SLK: variants seen among roughly 807,000 people sequenced by gnomAD.
The protein encoded by SLK is STE20-like serine/threonine-protein kinase.
A neutral mutation model predicts 147.7 loss-of-function variants in SLK; 67 were observed. The ratio of observed to expected loss-of-function variants is 0.45; its 90% CI spans 0.37 to 0.56. The LOEUF is 0.56. Ranked by LOEUF, SLK falls within the 20% of genes least tolerant of loss-of-function variation. The pLI is 0.00. For synonymous variants in SLK, 441 were observed against 475.0 expected (o/e 0.93, Z 0.93); for missense variants, 1,136 against 1,438.8 (o/e 0.79, Z 3.41).
intron 1 of SLK, among the ~76,000 whole-genome samples, chr10:103,984,706 G>A (rs1420917798): frequency 1.3e-5 from 2 of 152,130 alleles, no homozygotes; most frequent in African/African-American, 2.4e-5. Flanking sequence ...GAGCCACCGC[G>A]CTCAGCCTTC....
chr10:103,980,960 C>T (rs1297172864), intron 1 of SLK, among the ~76,000 whole-genome samples: 1 of 152,126 alleles, frequency 6.6e-6, no homozygotes, highest in Non-Finnish European at 1.5e-5. Flanking sequence ...CACAAGAGTT[C>T]TAATTTCTCC....
intron 1 of SLK, among the ~76,000 whole-genome samples, chr10:103,968,815 A>G (rs1245492662): frequency 6.6e-6 from 1 of 152,236 alleles, no homozygotes; most frequent in Non-Finnish European, 1.5e-5. Flanking sequence ...TAGGCAGGTC[A>G]GTATTAGTAT....
chr10:103,974,922 G>T (rs554225433), intron 1 of SLK: 1 of 134,624 alleles, frequency 7.4e-6, no homozygotes, highest in South Asian at 2.6e-4. Context: ...ACCCGCCTCG[G>T]CCTCCCAAAG....
At chr10:104,006,199 G>T (rs554133731) in intron 11 of SLK, among the ~76,000 whole-genome samples, 164 bp downstream of exon 11, 9 of 152,084 alleles carry the variant, frequency 5.9e-5, no homozygotes, top group Non-Finnish European at 8.8e-5. Flanking sequence ...TTGGTGTTCT[G>T]GATGCCTTTT....
At chr10:104,004,905 A>G (rs915066022) in intron 9 of SLK, among the ~76,000 whole-genome samples, 2 of 152,156 alleles carry the variant, frequency 1.3e-5, no homozygotes, top group African/African-American at 4.8e-5. Context: ...TAGCAGCCAA[A>G]TCTGGTACTT....
chr10:104,007,332 G>A (rs1195105131), intron 11 of SLK, among the ~76,000 whole-genome samples: 1 of 152,062 alleles, frequency 6.6e-6, no homozygotes, highest in Non-Finnish European at 1.5e-5. Context: ...TGGGTCGGGC[G>A]CAGTGCCTTA....
intron 11 of SLK, among the ~76,000 whole-genome samples, chr10:104,007,875 C>G (rs920074244): frequency 6.6e-6 from 1 of 151,702 alleles, no homozygotes. Flanking sequence ...TAGTTTGAGC[C>G]CAGGAGGCCG....
intron 1 of SLK, among the ~76,000 whole-genome samples, chr10:103,976,041 T>A (rs1843866085): frequency 6.6e-6 from 1 of 152,194 alleles, no homozygotes; most frequent in Non-Finnish European, 1.5e-5. Context: ...TAGCTGGGAC[T>A]GTAGGCACCT....
chr10:104,021,605 C>T lies in SLK; in HGVS notation c.3448-15C>T, dbSNP rs1844534882. ...GTTGATCTGAAATTTTTTTAAATCC[C>T]AACTTTATTTTCAGAATGAAAAATG... On this transcript the variant is annotated splice_polypyrimidine_tract_variant and intron_variant, in intron 17 of 18. Transcript: ENST00000369755. 4 of 1,513,494 alleles carry T rather than the reference C, an allele frequency of 2.6e-6. No homozygotes were observed. Among genetic ancestry groups the T allele is most frequent in the African/African-American group, 2.8e-5 (2 of 71,188 alleles). 93.8% of individuals were successfully genotyped at this position (1,513,494 alleles called of 1,614,324 possible). A position where few individuals can be genotyped will look rare whatever the true frequency, so the allele number is the denominator to read the frequency against.
Position 104,003,406 on chromosome 10 carries a change from CAAAGG to C in SLK, c.2232_2236del (p.Glu745Ter). On this transcript the variant is annotated frameshift_variant, in exon 9 of 19. Coordinates refer to ENST00000369755, the MANE Select transcript of SLK (RefSeq NM_014720.4). LOFTEE classifies it high-confidence loss of function. ...ATTCTGCCACCAGAATCTGAGAATC[CAAAGG>C]AAAATGATAATGATTCAGGCACTGG... 1 of 1,613,928 alleles carries C rather than the reference CAAAGG, an allele frequency of 6.2e-7. No individual in the cohort carries two copies. The highest frequency in any genetic ancestry group is 8.5e-7 in the Non-Finnish European group (1 of 1,179,924).
rs773019094 is a variant in SLK at position 104,002,195 on chromosome 10, A to G, written c.1017A>G (p.Ala339=). 1.9e-6 allele frequency: 3 copies of G among 1,586,696 alleles called. No homozygotes were observed. In the South Asian group the frequency reaches 3.4e-5, roughly 18 times the overall value. Residue 339 remains alanine, a synonymous_variant, in exon 9 of 19, where the codon GCA becomes GCG. Coordinates refer to ENST00000369755, the MANE Select transcript of SLK (RefSeq NM_014720.4). ...NSLPIPASKR[A]SSDLSIASSE... The stretch of plus-strand genomic sequence containing the variant: ...AGCCAATACCTGCAAGTAAGCGTGC[A>G]TCTTCTGACCTTAGTATCGCCAGCT...
chr10:103,990,940 C>T (rs895031860), intron 2 of SLK, 101 bp downstream of exon 2: 6 of 596,778 alleles, frequency 1.0e-5, no homozygotes, highest in Non-Finnish European at 1.5e-5. Context: ...CTTATCTCTT[C>T]TATTTAGTTA....
chr10:103,980,434 C>T (rs1843926322), intron 1 of SLK, among the ~76,000 whole-genome samples: 1 of 152,060 alleles, frequency 6.6e-6, no homozygotes, highest in Non-Finnish European at 1.5e-5. Context: ...ACTGTCTGTC[C>T]ATCATGCCTC....
intron 11 of SLK, among the ~76,000 whole-genome samples, chr10:104,007,772 T>TAAATAAATAAAA (rs1844346556): frequency 6.7e-6 from 1 of 149,904 alleles, no homozygotes; most frequent in Admixed American, 6.6e-5. Flanking sequence ...TCTCTCCAAA[T>TAAATAAATAAAA]AAATAAATAA....
intron 1 of SLK, among the ~76,000 whole-genome samples, chr10:103,970,049 A>G (rs1055870248): frequency 1.3e-5 from 2 of 152,244 alleles, no homozygotes; most frequent in African/African-American, 2.4e-5. Context: ...CAATAGCAGC[A>G]TATGACCTTG....
rs553433012 is a variant in SLK at position 104,016,001 on chromosome 10, A to G, written c.2878-2159A>G. On this transcript the variant is annotated intron_variant, in intron 13 of 18. Coordinates refer to ENST00000369755, the MANE Select transcript of SLK (RefSeq NM_014720.4). Reference sequence around the variant, plus strand: ...GATATTTTTGCAGGTTATGTTGTTTATTGAACAAGTTTGTATATAGAAATT... The same window carrying G: ...GATATTTTTGCAGGTTATGTTGTTTGTTGAACAAGTTTGTATATAGAAATT... Among the ~76,000 whole-genome samples, 19 of 152,194 alleles carry G rather than the reference A, an allele frequency of 1.2e-4. No individual in the cohort carries two copies. The South Asian group carries it at 2.7e-3, about 22-fold the overall frequency.
chr10:104,019,763 A>T lies in SLK; in HGVS notation c.3162A>T (p.Gln1054His), dbSNP rs776180316. 1 of 1,614,158 alleles carries T rather than the reference A, an allele frequency of 6.2e-7. No homozygotes were observed. Among genetic ancestry groups the T allele is most frequent in the Admixed American group, 1.7e-5 (1 of 60,026 alleles). ...KETEQMQRYN[Q>H]RLIEELKNRQ... The stretch of plus-strand genomic sequence containing the variant: ...CAGAGCAAATGCAGCGTTACAATCA[A>T]AGACTTATTGAGGAATTGAAAAACA... The change falls in exon 16 of 19, where the codon CAA becomes CAT. Residue 1054 changes from glutamine to histidine, a missense_variant. Gln to His is a conservative substitution (Grantham distance 24). Coordinates refer to ENST00000369755, the MANE Select transcript of SLK (RefSeq NM_014720.4).
intron 1 of SLK, among the ~76,000 whole-genome samples, chr10:103,988,006 A>G (rs74154713): frequency 1.2e-3 from 181 of 152,340 alleles, no homozygotes; most frequent in African/African-American, 4.2e-3. Flanking sequence ...GGAGCCCTCA[A>G]AAGAAAATGA....
chr10:103,992,573 C>CT (rs35624310), intron 2 of SLK, 25 bp from the exon 3 acceptor site: 22,695 of 1,210,936 alleles, frequency 0.019, 76 homozygotes, highest in South Asian at 0.052. Flanking sequence ...TAGACACACG[C>CT]TTTTTTTTTT....
Sources: gnomAD v4.1 joint callset for allele counts (sites outside exome capture counted in the v4.1 genomes callset) on GRCh38, gnomAD v4.1.1 for gene constraint, MANE v1.5 for transcripts, NCBI Gene and HGNC (gene_info 2026-07-23, HGNC 2026-07-21) for gene names.